The following LRP1B variants were observed in gnomAD, a reference collection of about 807,000 sequenced individuals.
The protein encoded by LRP1B is LDL receptor related protein 1B, also known as low-density lipoprotein receptor-related protein 1B.
Under a neutral mutation model 556.6 loss-of-function variants are expected in LRP1B, and 217 were observed. That is an observed-to-expected ratio of 0.39 (90% CI 0.35 to 0.44). The LOEUF is 0.44. Among genes scored for constraint, LRP1B ranks in the 20% least tolerant of loss-of-function variants. LRP1B has a pLI of 1.00. For synonymous variants in LRP1B, 2,047 were observed against 1,865.8 expected (o/e 1.10, Z -2.50); for missense variants, 5,053 against 5,620.8 (o/e 0.90, Z 3.23).
At chr2:140,296,678 A>G (rs1259262557) in intron 84 of LRP1B, among the ~76,000 whole-genome samples, 1 of 152,196 alleles carries the variant, frequency 6.6e-6, no homozygotes, top group Non-Finnish European at 1.5e-5. Context: ...AAATCTTTGT[A>G]GACGATGTTT....
intron 2 of LRP1B, among the ~76,000 whole-genome samples, chr2:141,492,091 A>AAAAAAAAAAAAAACC (rs67960557): frequency 6.0e-5 from 6 of 100,194 alleles, no homozygotes; most frequent in South Asian, 3.2e-4. Context: ...AAAAAAAAAA[A>AAAAAAAAAAAAAACC]CACTAAGAAA....
chr2:141,220,075 C>A (rs755664479), intron 6 of LRP1B, among the ~76,000 whole-genome samples: 2 of 152,056 alleles, frequency 1.3e-5, no homozygotes, highest in African/African-American at 4.8e-5. Flanking sequence ...TAGGCTTGGG[C>A]CAAGATGAAT....
chr2:140,815,219 G>T (rs1171621286), intron 31 of LRP1B, among the ~76,000 whole-genome samples: 2 of 151,956 alleles, frequency 1.3e-5, no homozygotes, highest in Non-Finnish European at 2.9e-5. Flanking sequence ...CTGAGAAAAG[G>T]TCAAATATAG....
chr2:140,719,860 T>A (rs1687341626), intron 35 of LRP1B, among the ~76,000 whole-genome samples: 2 of 152,052 alleles, frequency 1.3e-5, no homozygotes, highest in South Asian at 4.1e-4. Flanking sequence ...ATCCCTTTCC[T>A]TATCAATTTT....
intron 41 of LRP1B, among the ~76,000 whole-genome samples, chr2:140,665,225 G>T (rs1465775111): frequency 2.6e-5 from 4 of 152,092 alleles, no homozygotes; most frequent in African/African-American, 9.7e-5. Context: ...TAGAAATTTG[G>T]ACGAAGTTGT....
At chr2:142,005,844 T>C (rs1702784005) in intron 1 of LRP1B, among the ~76,000 whole-genome samples, 1 of 150,604 alleles carries the variant, frequency 6.6e-6, no homozygotes, top group African/African-American at 2.4e-5. Context: ...CTTTAGGCTT[T>C]GGGGAGAAAT....
intron 41 of LRP1B, among the ~76,000 whole-genome samples, chr2:140,609,776 C>T (rs1053287137): frequency 2.6e-5 from 4 of 152,132 alleles, no homozygotes; most frequent in African/African-American, 7.2e-5. Flanking sequence ...GCCGTTACCT[C>T]TTGTCTAAGC....
intron 60 of LRP1B, among the ~76,000 whole-genome samples, chr2:140,461,120 G>T (rs1259373160): frequency 1.3e-5 from 2 of 151,020 alleles, no homozygotes; most frequent in African/African-American, 4.9e-5. Context: ...TGGCTATCCA[G>T]AACATGGTTT....
chr2:140,632,401 C>T (rs1172661246), intron 41 of LRP1B, among the ~76,000 whole-genome samples: 1 of 152,052 alleles, frequency 6.6e-6, no homozygotes, highest in Non-Finnish European at 1.5e-5. Flanking sequence ...TATAAGGAAA[C>T]TGTACTACTC....
intron 41 of LRP1B, among the ~76,000 whole-genome samples, chr2:140,663,215 G>T (rs1339375579): frequency 6.6e-6 from 1 of 151,992 alleles, no homozygotes; most frequent in African/African-American, 2.4e-5. Context: ...TTCCTACTAA[G>T]ATACTAAAAA....
intron 1 of LRP1B, among the ~76,000 whole-genome samples, chr2:141,909,526 A>ATTTTTTTTTTTTTTT (rs377577096): frequency 1.1e-5 from 1 of 93,394 alleles, no homozygotes; most frequent in African/African-American, 4.7e-5. Context: ...GGTCTCAGAC[A>ATTTTTTTTTTTTTTT]TTTTTTTTTT....
chr2:141,136,663 T>C (rs1188577925), intron 7 of LRP1B, among the ~76,000 whole-genome samples: 1 of 150,792 alleles, frequency 6.6e-6, no homozygotes, highest in African/African-American at 2.4e-5. Context: ...GATCTGATGG[T>C]AAATTAATTA....
chr2:142,117,348 C>T (rs1707308508), intron 1 of LRP1B, among the ~76,000 whole-genome samples: 1 of 152,116 alleles, frequency 6.6e-6, no homozygotes, highest in African/African-American at 2.4e-5. Context: ...ATGCAGGATT[C>T]ATCCTCGTAT....
intron 3 of LRP1B, among the ~76,000 whole-genome samples, chr2:141,441,182 T>C (rs1347798389): frequency 1.3e-5 from 2 of 152,204 alleles, no homozygotes; most frequent in Non-Finnish European, 2.9e-5. Context: ...GTTCAAGTGA[T>C]TCTCCTGCTT....
chr2:141,917,355 G>A (rs1403581281), intron 1 of LRP1B, among the ~76,000 whole-genome samples: 1 of 152,172 alleles, frequency 6.6e-6, no homozygotes, highest in Non-Finnish European at 1.5e-5. Context: ...TGTATGGTGT[G>A]TGGTGTGTAG....
intron 2 of LRP1B, among the ~76,000 whole-genome samples, chr2:141,639,349 T>TATATATATATATACACACAC (rs1262198983): frequency 7.1e-5 from 4 of 56,098 alleles, no homozygotes; most frequent in Admixed American, 2.6e-4. Flanking sequence ...TATATATATA[T>TATATATATATATACACACAC]ACACACACAC....
chr2:141,432,456 A>G (rs538849500), intron 3 of LRP1B, among the ~76,000 whole-genome samples: 7 of 152,150 alleles, frequency 4.6e-5, no homozygotes, highest in Non-Finnish European at 8.8e-5. Context: ...GCCTAATAGA[A>G]TGAATTAGGC....
intron 66 of LRP1B, among the ~76,000 whole-genome samples, chr2:140,434,369 C>T (rs1406962412): frequency 5.3e-5 from 8 of 151,902 alleles, no homozygotes; most frequent in African/African-American, 9.7e-5. Context: ...CATACCCGGC[C>T]GAATAATAGT....
intron 11 of LRP1B, among the ~76,000 whole-genome samples, chr2:141,039,426 G>A (rs1698633595): frequency 6.6e-6 from 1 of 151,944 alleles, no homozygotes; most frequent in African/African-American, 2.4e-5. Context: ...TATATATAGA[G>A]TTCAACACTA....
Sources: allele counts gnomAD v4.1 joint callset (sites outside exome capture counted in the v4.1 genomes callset), GRCh38; gene constraint gnomAD v4.1.1; transcripts MANE v1.5; gene names NCBI Gene and HGNC (gene_info 2026-07-23, HGNC 2026-07-21).